Variants in CHSY3 observed in about 807,000 individuals in gnomAD.
The protein encoded by CHSY3 is chondroitin sulfate synthase 3.
A neutral mutation model predicts 67.2 loss-of-function variants in CHSY3; 35 were observed. The observed-to-expected ratio is 0.52, with a 90% CI of 0.40 to 0.69. The LOEUF is 0.69. Among genes scored for constraint, CHSY3 ranks in the 30% least tolerant of loss-of-function variants. The pLI is 0.00. For missense variants in CHSY3, 1,069 were observed against 1,138.5 expected, an observed-to-expected ratio of 0.94 and a Z score of 0.88; for synonymous variants, 474 against 434.7, an observed-to-expected ratio of 1.09 and a Z score of -1.12.
intron 2 of CHSY3, among the ~76,000 whole-genome samples, chr5:130,137,568 G>A (rs1222046759): frequency 6.6e-6 from 1 of 152,094 alleles, no homozygotes; most frequent in African/African-American, 2.4e-5. Context: ...AAACATCTAA[G>A]AATAGTCTTC....
chr5:130,032,597 T>C (rs1764732870), intron 2 of CHSY3, among the ~76,000 whole-genome samples: 1 of 152,054 alleles, frequency 6.6e-6, no homozygotes, highest in South Asian at 2.1e-4. Flanking sequence ...CCATCTCACC[T>C]TCCCAGGAGT....
chr5:129,974,857 A>C (rs1237192446), intron 2 of CHSY3: 1 of 152,090 alleles, frequency 6.6e-6, no homozygotes, highest in Non-Finnish European at 1.5e-5. Flanking sequence ...TAGTGTAGAG[A>C]AGTAACATTA....
At chr5:130,060,449 G>C (rs1765674388) in intron 2 of CHSY3, among the ~76,000 whole-genome samples, 1 of 152,058 alleles carries the variant, frequency 6.6e-6, no homozygotes, top group African/African-American at 2.4e-5. Context: ...CAAACCCACA[G>C]TTATCATACT....
At chr5:130,163,686 C>T (rs1769633197) in intron 2 of CHSY3, among the ~76,000 whole-genome samples, 1 of 152,200 alleles carries the variant, frequency 6.6e-6, no homozygotes. Context: ...TTGTTATTAC[C>T]TTTGCCAAAA....
intron 2 of CHSY3, among the ~76,000 whole-genome samples, chr5:130,008,983 A>G (rs1305473443): frequency 6.6e-6 from 1 of 152,112 alleles, no homozygotes; most frequent in Non-Finnish European, 1.5e-5. Flanking sequence ...GACAAAACCT[A>G]TGACTCATTG....
At chr5:129,999,155 CTA>C (rs1460367654) in intron 2 of CHSY3, among the ~76,000 whole-genome samples, 1 of 141,460 alleles carries the variant, frequency 7.1e-6, no homozygotes, top group East Asian at 2.2e-4. Context: ...GTGTGGCTAG[CTA>C]TTTGTCCCAA....
intron 2 of CHSY3, among the ~76,000 whole-genome samples, chr5:130,101,579 T>C (rs1767247500): frequency 6.6e-6 from 1 of 152,242 alleles, no homozygotes; most frequent in Non-Finnish European, 1.5e-5. Flanking sequence ...CTCACATACA[T>C]TTTTGAGGTG....
chr5:129,955,468 C>T (rs1762144560), intron 2 of CHSY3, among the ~76,000 whole-genome samples: 1 of 150,302 alleles, frequency 6.7e-6, no homozygotes, highest in Non-Finnish European at 1.5e-5. Context: ...CTCCTTTCTT[C>T]TTCCCTTCCT....
chr5:130,000,732 C>CTTCTTTT (rs776331371), intron 2 of CHSY3, among the ~76,000 whole-genome samples: 4 of 76,450 alleles, frequency 5.2e-5, no homozygotes, highest in African/African-American at 1.0e-4. Context: ...AACTTTTCTT[C>CTTCTTTT]TTTTTTTTTT....
chr5:130,160,839 C>T (rs561629682), intron 2 of CHSY3, among the ~76,000 whole-genome samples: 7 of 152,040 alleles, frequency 4.6e-5, no homozygotes, highest in African/African-American at 1.7e-4. Context: ...GAGGGAATAC[C>T]AGGGAATGGC....
At chr5:130,157,305 T>A (rs1293338629) in intron 2 of CHSY3, among the ~76,000 whole-genome samples, 1 of 152,212 alleles carries the variant, frequency 6.6e-6, no homozygotes, top group Admixed American at 6.5e-5. Context: ...CCTGGAGTGC[T>A]GTTATGTGTT....
intron 2 of CHSY3, among the ~76,000 whole-genome samples, chr5:129,955,587 G>A (rs1349517111): frequency 6.6e-6 from 1 of 151,558 alleles, no homozygotes; most frequent in Non-Finnish European, 1.5e-5. Context: ...AGGGGTACAT[G>A]TGTAGGTTTG....
intron 2 of CHSY3, among the ~76,000 whole-genome samples, chr5:130,124,039 C>CAAAAAAAAAAAA (rs11297427): frequency 6.9e-5 from 4 of 58,232 alleles, no homozygotes; most frequent in South Asian, 7.4e-4. Flanking sequence ...GACTCCATCT[C>CAAAAAAAAAAAA]AAAAAAAAAA....
chr5:130,161,839 G>T (rs1233507692), intron 2 of CHSY3, among the ~76,000 whole-genome samples: 1 of 152,052 alleles, frequency 6.6e-6, no homozygotes, highest in African/African-American at 2.4e-5. Context: ...AAGAGTTCGA[G>T]ACTAGCCTGG....
At chr5:130,170,091 G>A (rs1580797016) in intron 2 of CHSY3, among the ~76,000 whole-genome samples, 1 of 152,134 alleles carries the variant, frequency 6.6e-6, no homozygotes, top group Non-Finnish European at 1.5e-5. Context: ...CCCAAATAGT[G>A]AATACTGTAT....
intron 1 of CHSY3, 131 bp downstream of exon 1, chr5:129,905,762 G>A: frequency 6.7e-7 from 1 of 1,487,796 alleles, no homozygotes; most frequent in South Asian, 1.3e-5. Flanking sequence ...ACAGGCCCTG[G>A]CCCGCCCTCC....
At chr5:130,167,736 C>G (rs1580795469) in intron 2 of CHSY3, among the ~76,000 whole-genome samples, 2 of 152,052 alleles carry the variant, frequency 1.3e-5, no homozygotes, top group South Asian at 4.1e-4. Flanking sequence ...ATTAGATATT[C>G]AGGTGCAGAA....
At chr5:130,100,878 T>G (rs1286734797) in intron 2 of CHSY3, among the ~76,000 whole-genome samples, 1 of 152,212 alleles carries the variant, frequency 6.6e-6, no homozygotes, top group East Asian at 1.9e-4. Flanking sequence ...TTTGTTGACT[T>G]TTTGATCTAA....
At chr5:130,056,734 A>G (rs73785865) in intron 2 of CHSY3, among the ~76,000 whole-genome samples, 9,872 of 152,054 alleles carry the variant, frequency 0.065, 1,082 homozygotes, top group African/African-American at 0.22. Flanking sequence ...CTTACTAGCT[A>G]TGTGGTCTTG....
Sources: gnomAD v4.1 joint callset for allele counts (sites outside exome capture counted in the v4.1 genomes callset) on GRCh38, gnomAD v4.1.1 for gene constraint, MANE v1.5 for transcripts, NCBI Gene and HGNC (gene_info 2026-07-23, HGNC 2026-07-21) for gene names.